The following TIAM2 variants were observed in gnomAD, a reference collection of about 807,000 sequenced individuals.
The protein encoded by TIAM2 is TIAM Rac1 associated GEF 2, also known as rho guanine nucleotide exchange factor TIAM2.
In TIAM2, 80 loss-of-function variants were observed where a neutral mutation model predicts 152.9. That is an observed-to-expected ratio of 0.52 (90% CI 0.44 to 0.63). The LOEUF is 0.63. TIAM2 is among the 30% of genes least tolerant of loss of function. The pLI is 0.00. For missense variants in TIAM2, 1,965 were observed against 2,120.1 expected (o/e 0.93, Z 1.44); for synonymous variants, 804 against 838.0 (o/e 0.96, Z 0.70).
At chr6:155,166,330 T>C (rs920769368) in intron 9 of TIAM2, among the ~76,000 whole-genome samples, 9 of 124,620 alleles carry the variant, frequency 7.2e-5, no homozygotes, top group South Asian at 6.6e-4. Flanking sequence ...TCTTTTTTTT[T>C]TTTCTTTTTT....
intron 4 of TIAM2, among the ~76,000 whole-genome samples, chr6:155,136,201 A>T (rs1030621012): frequency 3.3e-5 from 5 of 151,714 alleles, no homozygotes; most frequent in Non-Finnish European, 5.9e-5. Context: ...TCTCAAAAAA[A>T]AAAAAAAAGA....
At chr6:155,168,883 T>C in intron 9 of TIAM2, 4 of 1,535,758 alleles carry the variant, frequency 2.6e-6, no homozygotes, top group Non-Finnish European at 3.5e-6. Context: ...TTTCTGGAAC[T>C]CAGCTACCTC....
chr6:155,181,722 C>T (rs1239191079), intron 12 of TIAM2, among the ~76,000 whole-genome samples: 1 of 152,222 alleles, frequency 6.6e-6, no homozygotes, highest in African/African-American at 2.4e-5. Context: ...TTAATACTTT[C>T]TACCTCTCTG....
At chr6:155,114,584 A>T (rs1039684645) in intron 2 of TIAM2, among the ~76,000 whole-genome samples, 1 of 152,128 alleles carries the variant, frequency 6.6e-6, no homozygotes, top group African/African-American at 2.4e-5. Flanking sequence ...AAGAAAACAA[A>T]ATTCTCATTT....
At chr6:155,207,820 C>T (rs1447499485) in intron 14 of TIAM2, among the ~76,000 whole-genome samples, 1 of 152,198 alleles carries the variant, frequency 6.6e-6, no homozygotes, top group African/African-American at 2.4e-5. Context: ...TCTCTTCTTC[C>T]CTAAGTGAAT....
intron 15 of TIAM2, among the ~76,000 whole-genome samples, chr6:155,230,912 C>T (rs1782444994): frequency 6.6e-6 from 1 of 151,204 alleles, no homozygotes; most frequent in African/African-American, 2.4e-5. Flanking sequence ...TGGCTCACTG[C>T]AACCTCTGCC....
chr6:155,099,512 G>A (rs943608732), intron 2 of TIAM2, among the ~76,000 whole-genome samples: 1 of 151,922 alleles, frequency 6.6e-6, no homozygotes, highest in African/African-American at 2.4e-5. Flanking sequence ...CATTTAATCC[G>A]TAGCCATTGA....
chr6:155,059,103 T>C (rs1777511303), intron 1 of TIAM2, among the ~76,000 whole-genome samples: 1 of 152,202 alleles, frequency 6.6e-6, no homozygotes, highest in African/African-American at 2.4e-5. Flanking sequence ...TATTTGGACT[T>C]TCCCCAGTTT....
rs931894049 is a variant in TIAM2 at position 155,164,565 on chromosome 6, C to T, written c.2179C>T (p.Leu727=). 2 of 1,613,890 alleles carry T rather than the reference C, an allele frequency of 1.2e-6. No homozygotes were observed. The highest frequency in any genetic ancestry group is 1.3e-5 in the African/African-American group (1 of 75,030). Residue 727 remains leucine (L), a synonymous_variant, in exon 8 of 27, where the codon CTG becomes TTG. Transcript: ENST00000682666. ...CCCCTCCAAGCTGGCCCTCGGCAGG[C>T]TGGGCATCTTGTCTGTTTCCTCTTT... is the stretch of plus-strand genomic sequence containing the variant. ...SRPSKLALGR[L]GILSVSSFHA...
chr6:155,243,923 G>T, intron 16 of TIAM2, 88 bp from the exon 17 acceptor site: 1 of 931,196 alleles, frequency 1.1e-6, no homozygotes, highest in South Asian at 1.3e-5. Context: ...GGGAGCCTTG[G>T]GAGCTGCTGC....
At chr6:155,240,819 G>C (rs1450614461) in intron 16 of TIAM2, 110 bp downstream of exon 16, 23 of 1,148,414 alleles carry the variant, frequency 2.0e-5, no homozygotes, top group East Asian at 7.4e-5. Context: ...CACTCCCCAG[G>C]GGGGGACACC....
At chr6:155,067,173 C>G (rs1777712464) in intron 1 of TIAM2, among the ~76,000 whole-genome samples, 1 of 152,064 alleles carries the variant, frequency 6.6e-6, no homozygotes, top group Non-Finnish European at 1.5e-5. Context: ...TCCTGAAGAC[C>G]CAGTCTGGCT....
intron 1 of TIAM2, among the ~76,000 whole-genome samples, chr6:155,024,248 A>G (rs1196488414): frequency 6.6e-6 from 1 of 152,226 alleles, no homozygotes; most frequent in Non-Finnish European, 1.5e-5. Flanking sequence ...TGAATTCTAT[A>G]TCTGCTTTAG....
At chr6:155,032,627 A>G (rs370193796) in intron 1 of TIAM2, among the ~76,000 whole-genome samples, 2 of 151,178 alleles carry the variant, frequency 1.3e-5, no homozygotes, top group South Asian at 2.1e-4. Context: ...TGCAACCTCT[A>G]CCTCCCGGGT....
intron 2 of TIAM2, among the ~76,000 whole-genome samples, chr6:155,105,219 G>A (rs1038817794): frequency 3.3e-5 from 5 of 152,184 alleles, no homozygotes; most frequent in Non-Finnish European, 7.3e-5. Flanking sequence ...TAGTGCAGTG[G>A]CACAGTCTTG....
chr6:155,104,040 ACCCCCCCCCC>A (rs774902405), intron 2 of TIAM2, among the ~76,000 whole-genome samples: 1 of 57,732 alleles, frequency 1.7e-5, no homozygotes, highest in Non-Finnish European at 3.2e-5. Flanking sequence ...ACACACACAC[ACCCCCCCCCC>A]CACACCCCCA....
rs758185894 is a variant in TIAM2 at position 155,148,096 on chromosome 6, C to T, written c.1804-14C>T. On this transcript the variant is annotated splice_polypyrimidine_tract_variant and intron_variant, in intron 6 of 26. Transcript: ENST00000682666. ...AAATGATTCGAAACAGGCTTTCTCC[C>T]TCCCTGTGTGTAGGCCACCAGCCAG... 6 of 1,613,292 alleles carry T rather than the reference C, an allele frequency of 3.7e-6. No homozygotes were observed. The highest frequency in any genetic ancestry group is 5.1e-6 in the Non-Finnish European group (6 of 1,179,542).
intron 2 of TIAM2, among the ~76,000 whole-genome samples, chr6:155,121,369 C>T (rs1779146015): frequency 6.6e-6 from 1 of 152,140 alleles, no homozygotes; most frequent in African/African-American, 2.4e-5. Context: ...GATGGTTTCA[C>T]ATATGTTTCC....
At chr6:155,198,291 A>G (rs1338910873) in intron 14 of TIAM2, among the ~76,000 whole-genome samples, 2 of 152,246 alleles carry the variant, frequency 1.3e-5, no homozygotes, top group Non-Finnish European at 2.9e-5. Flanking sequence ...TGTTTCAGAC[A>G]CAGCAGCCAG....
Sources: allele counts gnomAD v4.1 joint callset (sites outside exome capture counted in the v4.1 genomes callset), GRCh38; gene constraint gnomAD v4.1.1; transcripts MANE v1.5; gene names NCBI Gene and HGNC (gene_info 2026-07-23, HGNC 2026-07-21).